Variants in ZXDC observed in about 807,000 individuals in gnomAD.
ZXDC encodes zinc finger protein ZXDC.
A neutral mutation model predicts 63.6 loss-of-function variants in ZXDC; 58 were observed. The ratio of observed to expected loss-of-function variants is 0.91; its 90% CI spans 0.74 to 1.13. The LOEUF (loss-of-function observed/expected upper bound fraction) is 1.13. Ranked by LOEUF, ZXDC falls within the 50% of genes most tolerant of loss-of-function variation. ZXDC has a pLI of 0.00. For synonymous variants in ZXDC, 561 were observed against 496.1 expected (o/e 1.13, Z -1.74); for missense variants, 1,133 against 1,148.9 (o/e 0.99, Z 0.20).
At chr3:126,455,720 G>A (rs986139828) in intron 7 of ZXDC, among the ~76,000 whole-genome samples, 1 of 152,132 alleles carries the variant, frequency 6.6e-6, no homozygotes, top group African/African-American at 2.4e-5. Flanking sequence ...CGTTGAGGCC[G>A]GGCATGGTGG....
chr3:126,453,895 C>A, intron 7 of ZXDC: 1 of 985,030 alleles, frequency 1.0e-6, no homozygotes, highest in Non-Finnish European at 1.2e-6. Flanking sequence ...ACCTGATTGT[C>A]TAGAGGTTTT....
intron 7 of ZXDC, among the ~76,000 whole-genome samples, chr3:126,445,982 C>T (rs554917328): frequency 1.3e-5 from 2 of 152,308 alleles, no homozygotes; most frequent in East Asian, 1.9e-4. Flanking sequence ...CACGTCCTCA[C>T]GATAACCATG....
rs1300793532 is a variant in ZXDC, at chr3:126,461,928, C to T, written c.1734G>A (p.Leu578=). The T allele has an allele frequency of 1.2e-6, 2 of 1,614,168 alleles. No individual in the cohort carries two copies. Among genetic ancestry groups the T allele is most frequent in the South Asian group, 2.2e-5 (2 of 91,070 alleles). The change falls in exon 6 of 10, where the codon CTG becomes CTA. Residue 578 remains leucine (L), a synonymous_variant. Transcript: ENST00000389709. ...LVAHSDIPPS[L]DSPLVLGTAA... ...CTGTCCCGAGAACCAGAGGGCTGTCCAGGCTTGGGGGAATATCACTGTGGG... is the reference window on the plus strand; with the variant it reads ...CTGTCCCGAGAACCAGAGGGCTGTCTAGGCTTGGGGGAATATCACTGTGGG...
At chr3:126,456,724 C>CATTA (rs1384607127) in intron 7 of ZXDC, among the ~76,000 whole-genome samples, 1 of 152,150 alleles carries the variant, frequency 6.6e-6, no homozygotes, top group East Asian at 1.9e-4. Context: ...TCTTGAGGAC[C>CATTA]CCCAAGCTTG....
chr3:126,441,097 C>T (rs1933657930), intron 8 of ZXDC: 24 of 985,698 alleles, frequency 2.4e-5, no homozygotes, highest in Non-Finnish European at 2.9e-5. Context: ...AATCATCTTC[C>T]CTCCCCATTC....
rs1005086177 is a variant in ZXDC at position 126,453,685 on chromosome 3, A to C, written c.2212+5968T>G. 3 of 985,102 alleles carry C rather than the reference A, an allele frequency of 3.0e-6. No homozygotes were observed. The African/African-American group carries it at 5.2e-5, about 17-fold the overall frequency. The allele number at this position is 985,102 out of a possible 1,614,324, so 61.0% of individuals were successfully genotyped here. On this transcript the variant is annotated intron_variant, in intron 7 of 9. Coordinates refer to ENST00000389709, the MANE Select transcript of ZXDC (RefSeq NM_025112.5). ...TATCCATTTTCCTGTATTTGTAATT[A>C]GCTTTTATTTTTTTTCTTTTTTTTT...
intron 7 of ZXDC, 119 bp from the exon 8 acceptor site, chr3:126,442,065 AAG>A (rs375334565): frequency 1.8e-4 from 218 of 1,201,726 alleles, no homozygotes; most frequent in Middle Eastern, 1.6e-3. Flanking sequence ...CTGCACAGCT[AAG>A]AGACGTAAAA....
At chr3:126,474,920 A>G in intron 1 of ZXDC, 39 bp downstream of exon 1, 1 of 1,526,992 alleles carries the variant, frequency 6.5e-7, no homozygotes, top group Non-Finnish European at 8.8e-7. Flanking sequence ...ACCTGCCTGC[A>G]ACACCGCGCA....
intron 4 of ZXDC, among the ~76,000 whole-genome samples, chr3:126,470,116 C>T (rs1368413048): frequency 6.6e-6 from 1 of 152,194 alleles, no homozygotes; most frequent in African/African-American, 2.4e-5. Context: ...CAGCCAATTT[C>T]TGGCAAATGA....
At position 126,475,801 on chromosome 3, in the gene ZXDC, C is replaced by T. The variant is rs1348206935; in HGVS notation, c.65G>A (p.Gly22Asp). The part of the protein sequence containing the change: ...ARGGQHGGGP[G>D]PLRRAPAPLG... Reference sequence around the variant, plus strand: ...CGGCGCTGGGGCTCGGCGGAGCGGGCCGGGGCCGCCGCCATGTTGCCCTCC... The same window carrying T: ...CGGCGCTGGGGCTCGGCGGAGCGGGTCGGGGCCGCCGCCATGTTGCCCTCC... The change falls in exon 1 of 10, where the codon GGC becomes GAC. Residue 22 changes from glycine (G) to aspartate (D), a missense_variant. By Grantham distance (94) the Gly-to-Asp change is moderately conservative. Coordinates refer to ENST00000389709, the MANE Select transcript of ZXDC (RefSeq NM_025112.5). The T allele has an allele frequency of 6.4e-6, 7 of 1,089,156 alleles. No individual in the cohort carries two copies. The East Asian group carries it at 3.5e-4, about 55-fold the overall frequency. 67.5% of individuals were successfully genotyped at this position (1,089,156 alleles called of 1,614,324 possible).
chr3:126,466,305 C>T lies in ZXDC; in HGVS notation c.1291G>A (p.Ala431Thr), dbSNP rs1313108972. 17 of 1,613,962 alleles carry T rather than the reference C, an allele frequency of 1.1e-5. No individual in the cohort carries two copies. The highest frequency in any genetic ancestry group is 9.3e-6 in the Non-Finnish European group (11 of 1,180,038). ...GAGTGAATGTACAGACTGCTACGAG[C>T]GGAGAACCTCGCGCAACATCCTGGA... ...PVEGCCARFS[A>T]RSSLYIHSKK... Residue 431 changes from alanine (A) to threonine (T), a missense_variant, in exon 5 of 10, where the codon GCT becomes ACT. Transcript: ENST00000389709.
At chr3:126,442,005 C>T (rs1250414036) in intron 7 of ZXDC, 59 bp from the exon 8 acceptor site, 6 of 1,488,314 alleles carry the variant, frequency 4.0e-6, no homozygotes, top group Non-Finnish European at 5.4e-6. Context: ...CAGGTCTGCC[C>T]TTACCAAGGT....
chr3:126,467,558 G>C (rs570100550), intron 4 of ZXDC, among the ~76,000 whole-genome samples: 7 of 152,326 alleles, frequency 4.6e-5, no homozygotes, highest in African/African-American at 9.6e-5. Flanking sequence ...ATGAAGATAG[G>C]ATACGGCCAG....
chr3:126,443,566 C>T (rs1933761689), intron 7 of ZXDC, among the ~76,000 whole-genome samples: 1 of 152,268 alleles, frequency 6.6e-6, no homozygotes, highest in East Asian at 1.9e-4. Flanking sequence ...ATGGTGCCAA[C>T]AGACTTGCTG....
chr3:126,458,766 TCAC>T, intron 7 of ZXDC: 1 of 985,466 alleles, frequency 1.0e-6, no homozygotes, highest in Non-Finnish European at 1.2e-6. Context: ...TCTACAAATT[TCAC>T]CACCACACTT....
chr3:126,460,015 T>C, intron 6 of ZXDC: 2 of 985,448 alleles, frequency 2.0e-6, no homozygotes, highest in African/African-American at 1.7e-5. Context: ...ACAGAAACTT[T>C]TAAAATCAAT....
chr3:126,444,791 T>C (rs1933819264), intron 7 of ZXDC, among the ~76,000 whole-genome samples: 1 of 152,280 alleles, frequency 6.6e-6, no homozygotes, highest in South Asian at 2.1e-4. Flanking sequence ...CTTTGCAAAA[T>C]GTGTGCTAGA....
chr3:126,467,354 T>G (rs541344520), intron 4 of ZXDC, among the ~76,000 whole-genome samples: 2 of 152,282 alleles, frequency 1.3e-5, no homozygotes, highest in East Asian at 3.9e-4. Flanking sequence ...CTTTTTCTGT[T>G]CTGTGAAACG....
At chr3:126,449,204 T>C (rs1272720853) in intron 7 of ZXDC, among the ~76,000 whole-genome samples, 1 of 152,246 alleles carries the variant, frequency 6.6e-6, no homozygotes, top group African/African-American at 2.4e-5. Context: ...ACAAAATATA[T>C]GTTTAAAACT....
Sources: allele counts gnomAD v4.1 joint callset (sites outside exome capture counted in the v4.1 genomes callset), GRCh38; gene constraint gnomAD v4.1.1; transcripts MANE v1.5; gene names NCBI Gene and HGNC (gene_info 2026-07-23, HGNC 2026-07-21).